Variants in DGKI observed in about 807,000 individuals in gnomAD.
DGKI encodes DAG kinase iota.
Under a neutral mutation model 147.5 loss-of-function variants are expected in DGKI, and 55 were observed. The observed-to-expected ratio is 0.37, with a 90% CI of 0.30 to 0.47. The LOEUF is 0.47. Among genes scored for constraint, DGKI ranks in the 20% least tolerant of loss-of-function variants. DGKI has a pLI of 1.00. For synonymous variants in DGKI, 469 were observed against 477.1 expected (o/e 0.98, Z 0.22); for missense variants, 1,007 against 1,323.8 (o/e 0.76, Z 3.71).
At position 137,656,502 on chromosome 7, in the gene DGKI, G is replaced by A. The variant is rs769764087; in HGVS notation, c.645C>T (p.Ile215=). Residue 215 remains isoleucine, a synonymous_variant, in exon 4 of 33, where the codon ATC becomes ATT. Coordinates refer to ENST00000614521, the MANE Select transcript of DGKI (RefSeq NM_001321708.2). ...ALRRKCAVCK[I]VVHTACIEQL... ...GCTCAATGCAGGCGGTGTGGACGAC[G>A]ATTTTACAGACTGCACACTTCCTCC... 4.3e-6 allele frequency: 7 copies of A among 1,613,928 alleles called. No individual in the cohort carries two copies. The highest frequency in any genetic ancestry group is 5.1e-6 in the Non-Finnish European group (6 of 1,180,006).
chr7:137,635,497 G>A (rs1211236144), intron 6 of DGKI, among the ~76,000 whole-genome samples: 1 of 152,138 alleles, frequency 6.6e-6, no homozygotes, highest in Non-Finnish European at 1.5e-5. Flanking sequence ...CTATGCAAGG[G>A]CTTACGAAAT....
chr7:137,776,864 T>C (rs1796377564), intron 1 of DGKI, among the ~76,000 whole-genome samples: 1 of 151,702 alleles, frequency 6.6e-6, no homozygotes. Context: ...GGAGGAGTAA[T>C]GAGATAATAA....
intron 1 of DGKI, among the ~76,000 whole-genome samples, chr7:137,748,698 C>T (rs1346490548): frequency 6.6e-6 from 1 of 151,952 alleles, no homozygotes; most frequent in Non-Finnish European, 1.5e-5. Flanking sequence ...AGATATATAC[C>T]CTTCATATAC....
chr7:137,642,409 C>G (rs1426616693), intron 6 of DGKI, among the ~76,000 whole-genome samples: 1 of 152,216 alleles, frequency 6.6e-6, no homozygotes, highest in Non-Finnish European at 1.5e-5. Context: ...CCACAGCTCT[C>G]TGACATTAGT....
chr7:137,715,868 C>A (rs890494141), intron 1 of DGKI, among the ~76,000 whole-genome samples: 1 of 152,152 alleles, frequency 6.6e-6, no homozygotes, highest in Non-Finnish European at 1.5e-5. Flanking sequence ...AGGAGTTCAG[C>A]CTGAGAAGAA....
At chr7:137,612,498 T>A (rs1167556721) in intron 8 of DGKI, among the ~76,000 whole-genome samples, 14 of 152,194 alleles carry the variant, frequency 9.2e-5, no homozygotes, top group Admixed American at 9.2e-4. Flanking sequence ...TAAATACATA[T>A]CTCTATTTTG....
chr7:137,540,422 T>C (rs1289301947), intron 20 of DGKI, among the ~76,000 whole-genome samples: 1 of 152,300 alleles, frequency 6.6e-6, no homozygotes, highest in African/African-American at 2.4e-5. Context: ...ACAGACATGC[T>C]GGACTATGTA....
chr7:137,741,755 C>T (rs1795178493), intron 1 of DGKI, among the ~76,000 whole-genome samples: 1 of 152,152 alleles, frequency 6.6e-6, no homozygotes, highest in Non-Finnish European at 1.5e-5. Flanking sequence ...ATTCTCTCAA[C>T]AAATTTGTAT....
At chr7:137,817,371 C>T (rs559060776) in intron 1 of DGKI, among the ~76,000 whole-genome samples, 30 of 152,144 alleles carry the variant, frequency 2.0e-4, no homozygotes, top group Non-Finnish European at 3.5e-4. Flanking sequence ...AACTACTTTG[C>T]CCTCAGGATT....
At chr7:137,551,189 C>T (rs993991444) in intron 20 of DGKI, among the ~76,000 whole-genome samples, 1 of 152,078 alleles carries the variant, frequency 6.6e-6, no homozygotes, top group Non-Finnish European at 1.5e-5. Flanking sequence ...AGAGGACAGA[C>T]AGGATTTTTT....
intron 7 of DGKI, among the ~76,000 whole-genome samples, chr7:137,620,366 G>T (rs1292109875): frequency 6.6e-6 from 1 of 152,110 alleles, no homozygotes; most frequent in Non-Finnish European, 1.5e-5. Context: ...TGCTGGCCAT[G>T]GACTTGGTTG....
At chr7:137,464,052 G>A in intron 26 of DGKI, among the ~76,000 whole-genome samples, 1 of 152,004 alleles carries the variant, frequency 6.6e-6, no homozygotes, top group Non-Finnish European at 1.5e-5. Flanking sequence ...CAGAGGTCTA[G>A]CAAGGCCAAA....
At chr7:137,692,410 G>A (rs964333599) in intron 1 of DGKI, among the ~76,000 whole-genome samples, 2 of 152,256 alleles carry the variant, frequency 1.3e-5, no homozygotes, top group South Asian at 2.1e-4. Context: ...CTAAATCTTG[G>A]TTTAATGAGA....
intron 19 of DGKI, among the ~76,000 whole-genome samples, chr7:137,569,133 G>A (rs988668959): frequency 2.6e-5 from 4 of 152,094 alleles, no homozygotes; most frequent in African/African-American, 7.2e-5. Flanking sequence ...TGAGAGCAGG[G>A]AAGGCTAGAG....
intron 1 of DGKI, among the ~76,000 whole-genome samples, chr7:137,780,895 C>A (rs1417461951): frequency 6.6e-6 from 1 of 152,148 alleles, no homozygotes; most frequent in Non-Finnish European, 1.5e-5. Flanking sequence ...TCAAGGAGAG[C>A]CAGTGGTTAG....
At chr7:137,539,490 A>G (rs981924983) in intron 20 of DGKI, among the ~76,000 whole-genome samples, 9 of 152,134 alleles carry the variant, frequency 5.9e-5, no homozygotes, top group Admixed American at 4.6e-4. Flanking sequence ...TGGGAACTGA[A>G]CTACAGGGTA....
chr7:137,471,745 T>C (rs116838720), intron 23 of DGKI, among the ~76,000 whole-genome samples: 1,693 of 151,392 alleles, frequency 0.011, 24 homozygotes, highest in African/African-American at 0.038. Flanking sequence ...AAATAATTGA[T>C]AGAGGAAAAA....
At chr7:137,493,191 C>G (rs1030516979) in intron 21 of DGKI, among the ~76,000 whole-genome samples, 5 of 152,128 alleles carry the variant, frequency 3.3e-5, no homozygotes, top group Non-Finnish European at 7.4e-5. Context: ...GATCAGTAGC[C>G]CCACTCCCTG....
chr7:137,480,752 C>A (rs943617247), intron 23 of DGKI, among the ~76,000 whole-genome samples: 4 of 152,138 alleles, frequency 2.6e-5, no homozygotes, highest in Non-Finnish European at 4.4e-5. Flanking sequence ...CTGGTTGAAT[C>A]TATTTTTGCA....
Sources: gnomAD v4.1 joint callset for allele counts (sites outside exome capture counted in the v4.1 genomes callset) on GRCh38, gnomAD v4.1.1 for gene constraint, MANE v1.5 for transcripts, NCBI Gene and HGNC (gene_info 2026-07-23, HGNC 2026-07-21) for gene names.